Variants in DNAH12 observed in about 807,000 individuals in gnomAD.
DNAH12 encodes the protein axonemal beta dynein heavy chain 12.
DNAH12 carries 285 observed loss-of-function variants against 371.5 expected under a neutral mutation model. That is an observed-to-expected ratio of 0.77 (90% CI 0.70 to 0.85). The LOEUF (loss-of-function observed/expected upper bound fraction) is 0.85, where lower values mean the gene tolerates loss of function less well. Among genes scored for constraint, DNAH12 ranks in the 40% least tolerant of loss-of-function variants. The pLI is 0.00. For missense variants in DNAH12, 3,611 were observed against 3,689.4 expected (o/e 0.98, Z 0.55); for synonymous variants, 1,200 against 1,213.0 (o/e 0.99, Z 0.22).
chr3:57,511,490 C>A (rs2067997603), intron 4 of DNAH12, among the ~76,000 whole-genome samples: 1 of 152,172 alleles, frequency 6.6e-6, no homozygotes, highest in South Asian at 2.1e-4. Flanking sequence ...TTAGTAAAGA[C>A]ATTTTAACAT....
At chr3:57,520,281 T>C (rs2068370293) in intron 4 of DNAH12, among the ~76,000 whole-genome samples, 1 of 151,908 alleles carries the variant, frequency 6.6e-6, no homozygotes, top group Non-Finnish European at 1.5e-5. Context: ...TCAGCTAATT[T>C]TGTATTTTTA....
intron 25 of DNAH12, among the ~76,000 whole-genome samples, chr3:57,450,633 C>G (rs2065731084): frequency 6.6e-6 from 1 of 152,258 alleles, no homozygotes; most frequent in South Asian, 2.1e-4. Context: ...TCTGACTTCA[C>G]AGAGGTAACA....
intron 4 of DNAH12, among the ~76,000 whole-genome samples, chr3:57,517,045 C>T (rs2068225978): frequency 6.6e-6 from 1 of 152,130 alleles, no homozygotes; most frequent in Non-Finnish European, 1.5e-5. Context: ...TTAAACTTAG[C>T]TGTTCCCTCT....
chr3:57,469,773 T>C (rs1180738885), intron 16 of DNAH12, among the ~76,000 whole-genome samples: 1 of 152,098 alleles, frequency 6.6e-6, no homozygotes, highest in East Asian at 1.9e-4. Context: ...AAGTGGGAGC[T>C]AAGCCCTGGG....
intron 17 of DNAH12, among the ~76,000 whole-genome samples, chr3:57,464,090 G>A (rs1339306194): frequency 2.0e-5 from 3 of 152,058 alleles, no homozygotes; most frequent in African/African-American, 7.2e-5. Context: ...ATAAGAGCAA[G>A]GTCAAAGTGG....
chr3:57,511,658 T>C (rs965813071), intron 4 of DNAH12, among the ~76,000 whole-genome samples: 1 of 152,282 alleles, frequency 6.6e-6, no homozygotes, highest in African/African-American at 2.4e-5. Flanking sequence ...AAATCTGCAA[T>C]GGAGGGCTAG....
chr3:57,554,278 C>T, the DNAH12 span, among the ~76,000 whole-genome samples: 1 of 129,342 alleles, frequency 7.7e-6, no homozygotes, highest in South Asian at 2.2e-4. Flanking sequence ...CAGAGTGAGG[C>T]TCCATCTCAA....
At chr3:57,317,782 C>T (rs369635547) in intron 65 of DNAH12, among the ~76,000 whole-genome samples, 7 of 152,224 alleles carry the variant, frequency 4.6e-5, no homozygotes, top group African/African-American at 1.7e-4. Flanking sequence ...TTTGCATTAC[C>T]ACCAACAGTG....
chr3:57,391,197 T>G (rs1428365316), intron 45 of DNAH12, among the ~76,000 whole-genome samples: 1 of 152,216 alleles, frequency 6.6e-6, no homozygotes, highest in African/African-American at 2.4e-5. Context: ...TTTAAATCAT[T>G]ATACACTGAG....
chr3:57,323,431 T>A, intron 63 of DNAH12, 38 bp downstream of exon 63: 1 of 1,498,282 alleles, frequency 6.7e-7, no homozygotes, highest in Non-Finnish European at 8.9e-7. Flanking sequence ...AGATGTTTTA[T>A]TTATGATTTC....
At position 57,468,893 on chromosome 3, in the gene DNAH12, A is replaced by G. The variant is rs1020412515; in HGVS notation, c.2192T>C (p.Leu731Pro). ...EEFSREIFKT[L>P]KFFQTKLKKE... ...CTTTAGCTTCGTTTGGAAAAATTTT[A>G]GTGTCTTAAAAATTTCTCGGGAAAA... Residue 731 changes from leucine to proline, a missense_variant, in exon 17 of 74, where the codon CTA (leucine) becomes CCA (proline). By Grantham distance (98) the Leu-to-Pro change is moderately conservative (BLOSUM62 -3). Around this residue, in one of 3 missense-constraint regions of DNAH12, gnomAD observed 1,314 missense variants for 1,398.7 expected, o/e 0.94. Coordinates refer to ENST00000495027, the MANE Select transcript of DNAH12 (RefSeq NM_001366028.2). 3.1e-5 allele frequency: 48 copies of G among 1,527,472 alleles called. No homozygotes were observed. Among genetic ancestry groups the G allele is most frequent in the Non-Finnish European group, 3.7e-5 (42 of 1,141,216 alleles). The allele number at this position is 1,527,472 out of a possible 1,614,324, so 94.6% of individuals were successfully genotyped here. A position where few individuals can be genotyped will look rare whatever the true frequency, so the allele number is the denominator to read the frequency against.
Position 57,298,964 on chromosome 3 carries a change from G to C in DNAH12, c.11395-1980C>G, listed in dbSNP as rs1188831728. ...ATTCATATTTATGGAATGAACAGAT[G>C]AATCAATGAAATGGACTTTGTCTCT... On this transcript the variant is annotated intron_variant, in intron 70 of 73. Transcript: ENST00000495027. Among the ~76,000 whole-genome samples, 15 of 152,174 alleles carry C rather than the reference G, an allele frequency of 9.9e-5. 1 individual carries two copies. The highest frequency in any genetic ancestry group is 1.5e-5 in the Non-Finnish European group (1 of 68,024).
intron 65 of DNAH12, among the ~76,000 whole-genome samples, chr3:57,316,028 G>C (rs1340064024): frequency 6.6e-6 from 1 of 152,138 alleles, no homozygotes; most frequent in Non-Finnish European, 1.5e-5. Context: ...AAGGACGTCA[G>C]AGTAGTTTGC....
At chr3:57,552,480 G>A in the DNAH12 span, among the ~76,000 whole-genome samples, 1 of 152,168 alleles carries the variant, frequency 6.6e-6, no homozygotes, top group African/African-American at 2.4e-5. Flanking sequence ...CCCATTCACA[G>A]TTATCTAATT....
At chr3:57,542,469 C>T (rs573681259) in intron 2 of DNAH12, among the ~76,000 whole-genome samples, 2 of 152,144 alleles carry the variant, frequency 1.3e-5, no homozygotes, top group South Asian at 4.1e-4. Context: ...ACAATAGTAC[C>T]TACCTTATAG....
Position 57,445,248 on chromosome 3 carries a change from G to A in DNAH12, c.4351C>T (p.Arg1451Ter), listed in dbSNP as rs778272699. Reference sequence around the variant, plus strand: ...GCCACTAAAACGGCTTTTACTGCTCGCATTCCATAGTCGTAATGAAATTGC... The same window carrying A: ...GCCACTAAAACGGCTTTTACTGCTCACATTCCATAGTCGTAATGAAATTGC... ...SSQFHYDYGM[R>*]AVKAVLVAAG... The change falls in exon 28 of 74, where the codon CGA becomes TGA. Residue 1451 changes from arginine (R) to a stop codon, truncating the protein, a stop_gained. Transcript: ENST00000495027. LOFTEE classifies it high-confidence loss of function. 7 of 1,550,754 alleles carry A rather than the reference G, an allele frequency of 4.5e-6. No homozygotes were observed. In the South Asian group the frequency reaches 4.8e-5, roughly 11 times the overall value.
At chr3:57,369,494 C>T (rs1388174549) in intron 55 of DNAH12, among the ~76,000 whole-genome samples, 1 of 151,496 alleles carries the variant, frequency 6.6e-6, no homozygotes, top group Non-Finnish European at 1.5e-5. Flanking sequence ...TTAATTTATT[C>T]TCAAATAACT....
Position 57,321,824 on chromosome 3 carries a change from A to AC in DNAH12, c.10524+518dup, listed in dbSNP as rs568966763. ...TAAGAATTCAGGCAGGGAAATGAGT[A>AC]CTCTCTACTGGGACCCTTAAAGTCT... On this transcript the variant is annotated intron_variant, in intron 65 of 73. Transcript: ENST00000495027. Among the ~76,000 whole-genome samples the AC allele has an allele frequency of 2.7e-3, 409 of 152,272 alleles. 1 individual carries two copies. The highest frequency in any genetic ancestry group is 9.4e-3 in the African/African-American group (391 of 41,548).
rs571133983 is a variant in DNAH12 at position 57,308,109 on chromosome 3, C to T, written c.11189+1042G>A. ...GCCCAGGACTGGCAAATTGGCTTTA[C>T]TTGACATGCCCTGAGTCAGGAAACT... On this transcript the variant is annotated intron_variant, in intron 69 of 73. Coordinates refer to ENST00000495027, the MANE Select transcript of DNAH12 (RefSeq NM_001366028.2). Among the ~76,000 whole-genome samples the T allele has an allele frequency of 7.9e-5, 12 of 152,302 alleles. 1 individual carries two copies. The South Asian group carries it at 2.1e-3, about 26-fold the overall frequency.
Sources: allele counts gnomAD v4.1 joint callset (sites outside exome capture counted in the v4.1 genomes callset), GRCh38; gene constraint gnomAD v4.1.1; regional missense constraint gnomAD v4.1.1; transcripts MANE v1.5; gene names NCBI Gene and HGNC (gene_info 2026-07-23, HGNC 2026-07-21).